Variants in ONECUT2 observed in about 807,000 individuals in gnomAD.
ONECUT2 encodes one cut homeobox 2.
A neutral mutation model predicts 27.9 loss-of-function variants in ONECUT2; 10 were observed. The ratio of observed to expected loss-of-function variants is 0.36; its 90% CI spans 0.22 to 0.61. The LOEUF (loss-of-function observed/expected upper bound fraction) is 0.61. Among genes scored for constraint, ONECUT2 ranks in the 20% least tolerant of loss-of-function variants. The probability of loss-of-function intolerance (pLI) is 0.73; values close to 1 mark genes in which losing one functional copy is unlikely to be tolerated. For synonymous variants in ONECUT2, 334 were observed against 315.1 expected, an observed-to-expected ratio of 1.06 and a Z score of -0.64; for missense variants, 686 against 721.0, an observed-to-expected ratio of 0.95 and a Z score of 0.56.
At chr18:57,473,760 G>A (rs2050366986) in intron 1 of ONECUT2, among the ~76,000 whole-genome samples, 1 of 152,186 alleles carries the variant, frequency 6.6e-6, no homozygotes, top group Non-Finnish European at 1.5e-5. Flanking sequence ...TTAAAGTTTA[G>A]CAGCACTGCT....
At chr18:57,454,139 G>T (rs1192961291) in intron 1 of ONECUT2, among the ~76,000 whole-genome samples, 1 of 152,076 alleles carries the variant, frequency 6.6e-6, no homozygotes, top group Non-Finnish European at 1.5e-5. Context: ...GTCTGCCAAG[G>T]TCTTTAAGGT....
At chr18:57,473,116 C>G (rs952647554) in intron 1 of ONECUT2, among the ~76,000 whole-genome samples, 1 of 152,176 alleles carries the variant, frequency 6.6e-6, no homozygotes, top group Non-Finnish European at 1.5e-5. Flanking sequence ...AGCACAGATT[C>G]CAGAACCTTG....
Position 57,477,326 on chromosome 18 carries a change from A to AG in ONECUT2, c.*603_*604insG, listed in dbSNP as rs2122155291. 6.5e-6 allele frequency: 1 copy of AG among 152,680 alleles called. No homozygotes were observed. Among genetic ancestry groups the AG allele is most frequent in the South Asian group, 2.1e-4 (1 of 4,820 alleles). The allele number at this position is 152,680 out of a possible 1,614,324, so 9.5% of individuals were successfully genotyped here. A position where few individuals can be genotyped will look rare whatever the true frequency, so the allele number is the denominator to read the frequency against. ...TTTTAAATATGGACGTTAAAAAAAAAAATCCAAGGACCTGTTTTTCCAACC... is the reference window on the plus strand; with the variant it reads ...TTTTAAATATGGACGTTAAAAAAAAAGAATCCAAGGACCTGTTTTTCCAACC... On this transcript the variant is annotated 3_prime_UTR_variant, in exon 2 of 2. Transcript: ENST00000491143.
intron 1 of ONECUT2, among the ~76,000 whole-genome samples, chr18:57,458,428 C>T (rs533011037): frequency 1.3e-5 from 2 of 152,218 alleles, no homozygotes; most frequent in Admixed American, 6.5e-5. Context: ...ATAGATAGAT[C>T]GATAGGTATC....
chr18:57,463,610 A>C (rs1465671542), intron 1 of ONECUT2, among the ~76,000 whole-genome samples: 1 of 152,190 alleles, frequency 6.6e-6, no homozygotes, highest in East Asian at 1.9e-4. Context: ...TGAGTTTTCC[A>C]ATCAATTTAT....
rs1486605675 is a variant in ONECUT2 at position 57,435,877 on chromosome 18, G to A, written c.161G>A (p.Gly54Asp). ...GGGGGCGGCGGGGGCGGCGGCGGGG[G>A]CCCGGGCCATGAGCAGGAGCTGCTG... is the stretch of plus-strand genomic sequence containing the variant. ...GGGGGGGGGG[G>D]PGHEQELLAS... is the part of the protein sequence containing the mutation. The change falls in exon 1 of 2, where the codon GGC becomes GAC. Residue 54 changes from glycine to aspartate, a missense_variant. This residue lies in a region of ONECUT2 where 511 missense variants were observed against 488.1 expected (regional missense o/e 1.05). Coordinates refer to ENST00000491143, the MANE Select transcript of ONECUT2 (RefSeq NM_004852.3). 1.9e-6 allele frequency: 2 copies of A among 1,050,748 alleles called. No individual in the cohort carries two copies. Among genetic ancestry groups the A allele is most frequent in the South Asian group, 4.4e-5 (1 of 22,798 alleles). 65.1% of individuals were successfully genotyped at this position (1,050,748 alleles called of 1,614,324 possible).
At chr18:57,475,273 G>A (rs1438736200) in intron 1 of ONECUT2, among the ~76,000 whole-genome samples, 1 of 151,944 alleles carries the variant, frequency 6.6e-6, no homozygotes, top group Non-Finnish European at 1.5e-5. Context: ...GGCCAGGCTG[G>A]TCTCAAACTC....
At chr18:57,473,434 C>G (rs1264500840) in intron 1 of ONECUT2, among the ~76,000 whole-genome samples, 3 of 152,100 alleles carry the variant, frequency 2.0e-5, no homozygotes, top group African/African-American at 7.2e-5. Context: ...CTCACTTAAG[C>G]CTCTCTAGAA....
At chr18:57,467,314 G>T in intron 1 of ONECUT2, 1 of 385,210 alleles carries the variant, frequency 2.6e-6, no homozygotes, top group Non-Finnish European at 5.2e-6. Flanking sequence ...AAAGAGCAGA[G>T]ATTTGCCATT....
intron 1 of ONECUT2, among the ~76,000 whole-genome samples, chr18:57,460,306 T>C (rs540416539): frequency 3.9e-5 from 6 of 152,298 alleles, no homozygotes; most frequent in East Asian, 3.9e-4. Context: ...TTGGAATCTA[T>C]TTTTTTAAAA....
At chr18:57,451,383 A>G (rs151049481) in intron 1 of ONECUT2, among the ~76,000 whole-genome samples, 2,317 of 152,292 alleles carry the variant, frequency 0.015, 28 homozygotes, top group Non-Finnish European at 0.023. Context: ...ACACTGAGGC[A>G]GAGACAGGCA....
At chr18:57,461,384 C>A (rs2122130379) in intron 1 of ONECUT2, among the ~76,000 whole-genome samples, 1 of 152,330 alleles carries the variant, frequency 6.6e-6, no homozygotes, top group African/African-American at 2.4e-5. Flanking sequence ...TACTACAGAG[C>A]TGCTCTGAAC....
chr18:57,462,723 CT>C (rs57032206), intron 1 of ONECUT2, among the ~76,000 whole-genome samples: 1,689 of 69,064 alleles, frequency 0.024, 5 homozygotes, highest in Middle Eastern at 0.037. Flanking sequence ...TATTTTCTTT[CT>C]TTTTTTTTTT....
intron 1 of ONECUT2, among the ~76,000 whole-genome samples, chr18:57,467,601 G>A (rs752044144): frequency 5.9e-5 from 9 of 152,118 alleles, no homozygotes; most frequent in Non-Finnish European, 8.8e-5. Flanking sequence ...TCCTGACCTC[G>A]TGATCCACCC....
chr18:57,451,523 A>G (rs1235858631), intron 1 of ONECUT2, among the ~76,000 whole-genome samples: 1 of 152,186 alleles, frequency 6.6e-6, no homozygotes, highest in Non-Finnish European at 1.5e-5. Context: ...ACCAAAGGCT[A>G]TACACTTCTT....
chr18:57,457,036 T>G (rs1454140883), intron 1 of ONECUT2, among the ~76,000 whole-genome samples: 1 of 152,182 alleles, frequency 6.6e-6, no homozygotes, highest in Non-Finnish European at 1.5e-5. Context: ...TTTCAGTTCT[T>G]TTGGAGTATA....
At position 57,479,127 on chromosome 18, in the gene ONECUT2, G is replaced by A. The variant is rs1332594233; in HGVS notation, c.*2404G>A. 6.6e-6 allele frequency: 1 copy of A among 152,480 alleles called. No individual in the cohort carries two copies. The highest frequency in any genetic ancestry group is 2.4e-5 in the African/African-American group (1 of 41,384). 9.4% of individuals were successfully genotyped at this position (152,480 alleles called of 1,614,324 possible). ...ATCAGGGGAAGGAAAGGGAGTGAGG[G>A]TCAGGGATAGGGGTCTTGGTGATGC... On this transcript the variant is annotated 3_prime_UTR_variant, in exon 2 of 2. Coordinates refer to ENST00000491143, the MANE Select transcript of ONECUT2 (RefSeq NM_004852.3).
chr18:57,468,519 A>G (rs985371322), intron 1 of ONECUT2, among the ~76,000 whole-genome samples: 1 of 152,198 alleles, frequency 6.6e-6, no homozygotes, highest in Non-Finnish European at 1.5e-5. Context: ...AGTTTCCAAA[A>G]TTTAGGGAGC....
At position 57,481,654 on chromosome 18, in the gene ONECUT2, T is replaced by C. The variant is rs1041940846; in HGVS notation, c.*4931T>C. 1.3e-5 allele frequency: 2 copies of C among 152,224 alleles called. No individual in the cohort carries two copies. The highest frequency in any genetic ancestry group is 4.8e-5 in the African/African-American group (2 of 41,452). 9.4% of individuals were successfully genotyped at this position (152,224 alleles called of 1,614,324 possible). On this transcript the variant is annotated 3_prime_UTR_variant, in exon 2 of 2. Coordinates refer to ENST00000491143, the MANE Select transcript of ONECUT2 (RefSeq NM_004852.3). ...AATTATAGGAATGTCTGTTTGATTA[T>C]CATTACCAAAGTGTCATGACAGTAT...
Sources: gnomAD v4.1 joint callset for allele counts (sites outside exome capture counted in the v4.1 genomes callset) on GRCh38, gnomAD v4.1.1 for gene constraint, gnomAD v4.1.1 regional missense constraint, MANE v1.5 for transcripts, NCBI Gene and HGNC (gene_info 2026-07-23, HGNC 2026-07-21) for gene names.